The following KCNT2 variants were observed in gnomAD, a reference collection of about 807,000 sequenced individuals.
The protein encoded by KCNT2 is potassium sodium-activated channel subfamily T member 2, also known as potassium channel subfamily T member 2.
KCNT2 carries 67 observed loss-of-function variants against 153.8 expected under a neutral mutation model. The observed-to-expected ratio is 0.44, with a 90% confidence interval of 0.36 to 0.53. The LOEUF (loss-of-function observed/expected upper bound fraction) is 0.53, where lower values mean the gene tolerates loss of function less well. Ranked by LOEUF, KCNT2 falls within the 20% of genes least tolerant of loss-of-function variation. The pLI, the probability that KCNT2 is intolerant of heterozygous loss-of-function variation, is 0.00. For synonymous variants in KCNT2, 500 were observed against 458.8 expected (o/e 1.09, Z -1.15); for missense variants, 975 against 1,354.8 (o/e 0.72, Z 4.40).
At chr1:196,235,066 A>G (rs1004212167) in intron 27 of KCNT2, among the ~76,000 whole-genome samples, 7 of 151,430 alleles carry the variant, frequency 4.6e-5, no homozygotes, top group Admixed American at 6.6e-5. Flanking sequence ...TCCATCATCT[A>G]TAAGGCCAAC....
intron 1 of KCNT2, among the ~76,000 whole-genome samples, chr1:196,504,122 T>G (rs1680921926): frequency 6.6e-6 from 1 of 152,110 alleles, no homozygotes; most frequent in South Asian, 2.1e-4. Context: ...TTAGGGTACA[T>G]GTGCACAATG....
chr1:196,501,846 C>A (rs564467512), intron 1 of KCNT2, among the ~76,000 whole-genome samples: 25 of 152,164 alleles, frequency 1.6e-4, no homozygotes, highest in Non-Finnish European at 3.1e-4. Context: ...GGGCCGGGAG[C>A]GATGGCTCAT....
intron 1 of KCNT2, among the ~76,000 whole-genome samples, chr1:196,512,675 T>C (rs568620789): frequency 5.7e-4 from 87 of 152,286 alleles, no homozygotes; most frequent in Admixed American, 1.2e-3. Flanking sequence ...CTAGCAATAG[T>C]GACCTAAGAT....
At chr1:196,341,713 T>G (rs1322330444) in intron 15 of KCNT2, among the ~76,000 whole-genome samples, 3 of 152,072 alleles carry the variant, frequency 2.0e-5, no homozygotes, top group Non-Finnish European at 4.4e-5. Flanking sequence ...GATTTTTTTT[T>G]CAAATGTACA....
At chr1:196,384,324 A>AC (rs1009813490) in intron 13 of KCNT2, among the ~76,000 whole-genome samples, 2 of 152,104 alleles carry the variant, frequency 1.3e-5, no homozygotes, top group Admixed American at 6.6e-5. Context: ...ATGTGAGCCC[A>AC]CCCATACTCT....
Position 196,227,134 on chromosome 1 carries a change from TTAAAG to T in KCNT2, c.*1085_*1089del, listed in dbSNP as rs749860762. On this transcript the variant is annotated 3_prime_UTR_variant, in exon 28 of 28. Transcript: ENST00000294725. Reference sequence around the variant, plus strand: ...TGTTTTATGCTTTTCTCTCATAATGTTAAAGTATAGCTCATATATACGATTTCAAA... The same window carrying T: ...TGTTTTATGCTTTTCTCTCATAATGTTATAGCTCATATATACGATTTCAAA... The T allele has an allele frequency of 4.6e-5, 7 of 152,030 alleles. No individual in the cohort carries two copies. The highest frequency in any genetic ancestry group is 7.2e-5 in the African/African-American group (3 of 41,458). 9.4% of individuals were successfully genotyped at this position (152,030 alleles called of 1,614,324 possible).
At chr1:196,236,800 T>C (rs1558053874) in intron 26 of KCNT2, among the ~76,000 whole-genome samples, 1 of 151,574 alleles carries the variant, frequency 6.6e-6, no homozygotes, top group Non-Finnish European at 1.5e-5. Context: ...CTGCATTACA[T>C]AGGACATTGA....
At chr1:196,252,873 C>T (rs570259300) in intron 26 of KCNT2, among the ~76,000 whole-genome samples, 20 of 151,056 alleles carry the variant, frequency 1.3e-4, no homozygotes, top group African/African-American at 4.6e-4. Flanking sequence ...TCTCAAGATG[C>T]CTTTCTATTT....
chr1:196,456,171 AG>A (rs1676655814), intron 8 of KCNT2, among the ~76,000 whole-genome samples: 1 of 152,002 alleles, frequency 6.6e-6, no homozygotes, highest in Admixed American at 6.6e-5. Context: ...GAAGTGGAGG[AG>A]GAAAAGGATG....
chr1:196,474,968 G>A lies in KCNT2; in HGVS notation c.384+4211C>T, dbSNP rs548283286. Reference sequence around the variant, plus strand: ...TACTTTAATAGTTCTAGGTAATTTCGCTTTAAGTTGGTCTGGTTTTCAAAA... The same window carrying A: ...TACTTTAATAGTTCTAGGTAATTTCACTTTAAGTTGGTCTGGTTTTCAAAA... On this transcript the variant is annotated intron_variant, in intron 5 of 27. Transcript: ENST00000294725. 2.7e-3 allele frequency among the ~76,000 whole-genome samples: 405 copies of A among 152,204 alleles called. 3 individuals are homozygous for A. Among genetic ancestry groups the A allele is most frequent in the South Asian group, 0.015 (74 of 4,824 alleles).
intron 26 of KCNT2, among the ~76,000 whole-genome samples, chr1:196,245,850 A>T (rs1411003193): frequency 6.6e-6 from 1 of 152,210 alleles, no homozygotes; most frequent in Non-Finnish European, 1.5e-5. Flanking sequence ...TACAGAATCT[A>T]GAAAACAGCA....
chr1:196,538,957 C>CT (rs1198467864), intron 1 of KCNT2, among the ~76,000 whole-genome samples: 29 of 152,134 alleles, frequency 1.9e-4, no homozygotes, highest in Admixed American at 1.8e-3. Flanking sequence ...GAAATGTATC[C>CT]TTTTTTGAAT....
At chr1:196,315,773 T>C (rs1662651700) in intron 21 of KCNT2, 119 bp downstream of exon 21, 9 of 863,974 alleles carry the variant, frequency 1.0e-5, no homozygotes, top group Non-Finnish European at 1.2e-5. Context: ...ATGAAAAAAA[T>C]GAATAAATGA....
At chr1:196,373,681 T>C (rs1388671356) in intron 13 of KCNT2, among the ~76,000 whole-genome samples, 5 of 151,874 alleles carry the variant, frequency 3.3e-5, no homozygotes, top group African/African-American at 4.8e-5. Context: ...TATATCAAAT[T>C]CATAATGACA....
At chr1:196,540,547 C>T (rs1656213738) in intron 1 of KCNT2, among the ~76,000 whole-genome samples, 1 of 152,082 alleles carries the variant, frequency 6.6e-6, no homozygotes, top group African/African-American at 2.4e-5. Flanking sequence ...TGAATACCAA[C>T]CAACCAAGAA....
intron 14 of KCNT2, among the ~76,000 whole-genome samples, chr1:196,345,926 T>C (rs1057125863): frequency 1.3e-5 from 2 of 152,044 alleles, no homozygotes; most frequent in African/African-American, 2.4e-5. Context: ...TTAAATAAAA[T>C]AATAGTCTGC....
At chr1:196,434,229 A>G (rs1399946281) in intron 8 of KCNT2, among the ~76,000 whole-genome samples, 1 of 152,088 alleles carries the variant, frequency 6.6e-6, no homozygotes, top group Non-Finnish European at 1.5e-5. Context: ...TTAAAATAAC[A>G]TATGTTTGAG....
intron 1 of KCNT2, among the ~76,000 whole-genome samples, chr1:196,537,467 C>T (rs534085924): frequency 1.7e-3 from 253 of 152,280 alleles, no homozygotes; most frequent in African/African-American, 5.9e-3. Flanking sequence ...AATGTATCTG[C>T]ACTATTATCT....
chr1:196,576,387 T>C (rs1398715497), intron 1 of KCNT2, among the ~76,000 whole-genome samples: 1 of 152,142 alleles, frequency 6.6e-6, no homozygotes, highest in Admixed American at 6.6e-5. Context: ...GTTTTTCTAT[T>C]TGAATCTACT....
Sources: allele counts gnomAD v4.1 joint callset (sites outside exome capture counted in the v4.1 genomes callset), GRCh38; gene constraint gnomAD v4.1.1; transcripts MANE v1.5; gene names NCBI Gene and HGNC (gene_info 2026-07-23, HGNC 2026-07-21).